The following PCDHA2 variants were observed in gnomAD, a reference collection of about 807,000 sequenced individuals.
PCDHA2 encodes the protein protocadherin alpha 2.
Under a neutral mutation model 66.0 loss-of-function variants are expected in PCDHA2, and 58 were observed. The ratio of observed to expected loss-of-function variants is 0.88; its 90% CI spans 0.71 to 1.09. The LOEUF (loss-of-function observed/expected upper bound fraction) is 1.09, where lower values mean the gene tolerates loss of function less well. PCDHA2 is among the 50% of genes least tolerant of loss of function. PCDHA2 has a pLI of 0.00. For missense variants in PCDHA2, 1,267 were observed against 1,242.3 expected (o/e 1.02, Z -0.30); for synonymous variants, 634 against 554.0 (o/e 1.14, Z -2.03).
chr5:140,952,416 G>T (rs114343205), intron 1 of PCDHA2, among the ~76,000 whole-genome samples: 1 of 151,730 alleles, frequency 6.6e-6, no homozygotes, highest in Non-Finnish European at 1.5e-5. Context: ...TTAATGTTCC[G>T]CAGATTCCTA....
At chr5:140,955,669 G>C (rs1031483633) in intron 1 of PCDHA2, among the ~76,000 whole-genome samples, 2 of 152,094 alleles carry the variant, frequency 1.3e-5, no homozygotes, top group African/African-American at 4.8e-5. Flanking sequence ...TTTTAACATA[G>C]TTTTTTCGAA....
At position 140,841,443 on chromosome 5, in the gene PCDHA2, A is replaced by G. The variant is rs2150315650; in HGVS notation, c.2388+44091A>G. 1.2e-6 allele frequency: 2 copies of G among 1,612,892 alleles called. 1 individual carries two copies. Among genetic ancestry groups the G allele is most frequent in the Non-Finnish European group, 1.7e-6 (2 of 1,179,848 alleles). On this transcript the variant is annotated intron_variant, in intron 1 of 3. Transcript: ENST00000526136. ...TACTCCGTCCCCGAGGAGGCCAAAC[A>G]CGGCACCTTCGTGGGCCGGATCGCG...
intron 1 of PCDHA2, chr5:140,967,963 A>C (rs1554230144): frequency 6.2e-7 from 1 of 1,614,210 alleles, no homozygotes; most frequent in South Asian, 1.1e-5. Context: ...CCAACCGGAA[A>C]GTGAGCCTGG....
intron 3 of PCDHA2, among the ~76,000 whole-genome samples, chr5:140,999,698 T>C (rs903538308): frequency 2.0e-5 from 3 of 152,192 alleles, no homozygotes; most frequent in Non-Finnish European, 4.4e-5. Flanking sequence ...ATGTGATTTT[T>C]TTTTAGCTAA....
intron 3 of PCDHA2, among the ~76,000 whole-genome samples, chr5:140,999,452 G>A (rs141442204): frequency 6.4e-4 from 97 of 152,234 alleles, no homozygotes; most frequent in African/African-American, 2.1e-3. Flanking sequence ...TTCGTTCAAC[G>A]AATAAGTGGT....
At chr5:140,883,609 C>T (rs2059699123) in intron 1 of PCDHA2, 1 of 1,614,032 alleles carries the variant, frequency 6.2e-7, no homozygotes, top group Non-Finnish European at 8.5e-7. Flanking sequence ...GGGTGGCCGA[C>T]GTGAACGACA....
At chr5:140,963,437 A>G (rs1218824827) in intron 1 of PCDHA2, among the ~76,000 whole-genome samples, 2 of 152,144 alleles carry the variant, frequency 1.3e-5, no homozygotes, top group African/African-American at 4.8e-5. Context: ...CTAACTTCAT[A>G]CTCTGTTGCT....
Position 140,843,115 on chromosome 5 carries a change from C to G in PCDHA2, c.2388+45763C>G, listed in dbSNP as rs2150353014. Reference sequence around the variant, plus strand: ...TGGTAGCGAAGGTGCGCGCAGTGGACGCCGACTCGGGCTACAACGCGTGGC... The same window carrying G: ...TGGTAGCGAAGGTGCGCGCAGTGGAGGCCGACTCGGGCTACAACGCGTGGC... On this transcript the variant is annotated intron_variant, in intron 1 of 3. Coordinates refer to ENST00000526136, the MANE Select transcript of PCDHA2 (RefSeq NM_018905.3). 1.3e-5 allele frequency: 21 copies of G among 1,595,824 alleles called. 4 individuals carry two copies. In the South Asian group the frequency reaches 1.5e-4, roughly 12 times the overall value.
At chr5:140,819,152 A>C (rs76356631) in intron 1 of PCDHA2, among the ~76,000 whole-genome samples, 1 of 152,204 alleles carries the variant, frequency 6.6e-6, no homozygotes, top group Non-Finnish European at 1.5e-5. Context: ...TAATTTTTAT[A>C]CAGAATTAAT....
rs1488596274 is a variant in PCDHA2, at chr5:140,841,538, G to A, written c.2388+44186G>A. 4 of 1,613,606 alleles carry A rather than the reference G, an allele frequency of 2.5e-6. No homozygotes were observed. The African/African-American group carries it at 5.3e-5, about 22-fold the overall frequency. ...CCGGGTGGCGTCCAAAAGACACCGG[G>A]ACCTTCTGGAGGTAAGTCTGCAGAA... On this transcript the variant is annotated intron_variant, in intron 1 of 3. Transcript: ENST00000526136.
chr5:140,857,320 G>T, intron 1 of PCDHA2: 1 of 1,598,728 alleles, frequency 6.3e-7, no homozygotes. Flanking sequence ...AGCTGGTGGT[G>T]ACCGCGCGGG....
chr5:140,863,039 T>A (rs530548492), intron 1 of PCDHA2: 24 of 558,728 alleles, frequency 4.3e-5, no homozygotes, highest in South Asian at 3.2e-4. Flanking sequence ...GCTGCATCTG[T>A]CAGCTGGCAG....
chr5:140,876,787 G>A, intron 1 of PCDHA2: 1 of 1,614,228 alleles, frequency 6.2e-7, no homozygotes, highest in Non-Finnish European at 8.5e-7. Context: ...GTGGGCCACG[G>A]CTAGAGTGTC....
intron 1 of PCDHA2, among the ~76,000 whole-genome samples, chr5:140,922,956 T>G (rs2081088317): frequency 6.6e-6 from 1 of 152,236 alleles, no homozygotes; most frequent in Non-Finnish European, 1.5e-5. Context: ...CCAGTTTGTC[T>G]TCAGCCAGTG....
In PCDHA2 at chr5:140,843,826, A is replaced by G. The variant is rs2150366949; in HGVS notation, c.2388+46474A>G. ...CGTATTTTATAGTGAAAATTTAAAC[A>G]TTGTTTAGTTTTTAGAAACCTTTTA... On this transcript the variant is annotated intron_variant, in intron 1 of 3. Coordinates refer to ENST00000526136, the MANE Select transcript of PCDHA2 (RefSeq NM_018905.3). 117 of 1,185,698 alleles carry G rather than the reference A, an allele frequency of 9.9e-5. 4 individuals carry two copies. The African/African-American group carries it at 1.7e-3, about 17-fold the overall frequency. 73.4% of individuals were successfully genotyped at this position (1,185,698 alleles called of 1,614,324 possible). A position where few individuals can be genotyped will look rare whatever the true frequency, so the allele number is the denominator to read the frequency against.
chr5:140,823,740 G>A (rs887046242), intron 1 of PCDHA2: 2 of 1,613,846 alleles, frequency 1.2e-6, no homozygotes, highest in Non-Finnish European at 1.7e-6. Flanking sequence ...ACCATGGAGA[G>A]CCCCCGCTGA....
At chr5:140,924,484 A>G (rs1198741385) in intron 1 of PCDHA2, among the ~76,000 whole-genome samples, 1 of 152,184 alleles carries the variant, frequency 6.6e-6, no homozygotes, top group Non-Finnish European at 1.5e-5. Flanking sequence ...TTTTAGTGGA[A>G]CACTGGCATT....
chr5:140,883,724 G>T (rs1174982763), intron 1 of PCDHA2: 2 of 1,613,492 alleles, frequency 1.2e-6, no homozygotes, highest in Non-Finnish European at 1.7e-6. Context: ...GGACGCACAG[G>T]AGAACGCGCT....
At chr5:140,929,410 C>G (rs2086136493) in intron 1 of PCDHA2, 1 of 1,505,808 alleles carries the variant, frequency 6.6e-7, no homozygotes, top group Non-Finnish European at 8.9e-7. Context: ...ACAAGCCTTT[C>G]ACAACATTTC....
Sources: allele counts gnomAD v4.1 joint callset (sites outside exome capture counted in the v4.1 genomes callset), GRCh38; gene constraint gnomAD v4.1.1; transcripts MANE v1.5; gene names NCBI Gene and HGNC (gene_info 2026-07-23, HGNC 2026-07-21).